Variants in NTM observed in about 807,000 individuals in gnomAD.
NTM encodes IgLON family member 2.
NTM carries 13 observed loss-of-function variants against 42.1 expected under a neutral mutation model. That is an observed-to-expected ratio of 0.31 (90% CI 0.20 to 0.49). The LOEUF (loss-of-function observed/expected upper bound fraction) is 0.49, where lower values mean the gene tolerates loss of function less well. NTM is among the 20% of genes least tolerant of loss of function. NTM has a pLI of 0.99. For missense variants in NTM, 373 were observed against 452.8 expected (o/e 0.82, Z 1.60); for synonymous variants, 187 against 179.2 (o/e 1.04, Z -0.35).
chr11:131,941,670 G>T (rs2059806586), intron 2 of NTM, among the ~76,000 whole-genome samples: 1 of 152,226 alleles, frequency 6.6e-6, no homozygotes, highest in South Asian at 2.1e-4. Flanking sequence ...CCCGTGAGGT[G>T]TCAGGAAGAT....
At chr11:132,015,365 C>T (rs1437386800) in intron 2 of NTM, among the ~76,000 whole-genome samples, 2 of 151,840 alleles carry the variant, frequency 1.3e-5, no homozygotes, top group Non-Finnish European at 2.9e-5. Flanking sequence ...ATTGCCTTGG[C>T]TATTCAATAT....
At chr11:131,863,410 A>G (rs1163276141) in intron 1 of NTM, among the ~76,000 whole-genome samples, 1 of 152,074 alleles carries the variant, frequency 6.6e-6, no homozygotes, top group Non-Finnish European at 1.5e-5. Context: ...TCCTGACTCC[A>G]CTGTGCAGCA....
chr11:131,941,629 C>T (rs554963224), intron 2 of NTM, among the ~76,000 whole-genome samples: 13 of 152,246 alleles, frequency 8.5e-5, no homozygotes, highest in South Asian at 6.2e-4. Context: ...GGTAAATGAA[C>T]GATAGAACTT....
chr11:132,310,075 G>T, intron 5 of NTM, 37 bp from the exon 6 acceptor site: 4 of 1,482,556 alleles, frequency 2.7e-6, no homozygotes, highest in South Asian at 1.4e-5. Context: ...AAAAAAAAAA[G>T]GTGGGGGGGC....
chr11:131,760,272 G>GCAAT (rs2083942683), intron 1 of NTM, among the ~76,000 whole-genome samples: 1 of 152,120 alleles, frequency 6.6e-6, no homozygotes, highest in Non-Finnish European at 1.5e-5. Flanking sequence ...GTTGATCATT[G>GCAAT]GGTCACTTCG....
intron 1 of NTM, among the ~76,000 whole-genome samples, chr11:131,797,849 T>C (rs1286686585): frequency 6.6e-6 from 1 of 152,214 alleles, no homozygotes; most frequent in African/African-American, 2.4e-5. Flanking sequence ...CCTTGTATCA[T>C]ATAATTAAAA....
chr11:131,814,412 T>C lies in NTM; in HGVS notation c.83-97152T>C, dbSNP rs140134826. ...CCAGCTGGTCCTTTGCCGAACCAGA[T>C]TGTGTGTCCACACAAATGGTTCTGA... is the stretch of plus-strand genomic sequence containing the variant. On this transcript the variant is annotated intron_variant, in intron 1 of 8. Transcript: ENST00000683400. 3.1e-3 allele frequency among the ~76,000 whole-genome samples: 467 copies of C among 152,328 alleles called. 4 individuals carry two copies. The highest frequency in any genetic ancestry group is 6.8e-3 in the Middle Eastern group (2 of 294).
At chr11:131,831,966 A>AAT (rs922811854) in intron 1 of NTM, among the ~76,000 whole-genome samples, 33 of 147,838 alleles carry the variant, frequency 2.2e-4, no homozygotes, top group South Asian at 8.4e-4. Context: ...AATTAAATAT[A>AAT]ATATATATAT....
rs59485155 is a variant in NTM at position 132,149,231 on chromosome 11, C to CAAA, written c.400+2730_400+2732dup. ...GAGGATGCACCACCATCCTGGATTA[C>CAAA]AAAAAAAAAAAAAAAGGGAAAGAAA... On this transcript the variant is annotated intron_variant, in intron 3 of 8. Transcript: ENST00000683400. Among the ~76,000 whole-genome samples the CAAA allele has an allele frequency of 3.8e-3, 464 of 122,900 alleles. 6 individuals carry two copies. The highest frequency in any genetic ancestry group is 0.029 in the South Asian group (109 of 3,710). 80.6% of individuals were successfully genotyped at this position (122,900 alleles called of 152,430 possible). A position where few individuals can be genotyped will look rare whatever the true frequency, so the allele number is the denominator to read the frequency against.
chr11:131,864,922 C>T (rs555559404), intron 1 of NTM, among the ~76,000 whole-genome samples: 1 of 152,318 alleles, frequency 6.6e-6, no homozygotes, highest in South Asian at 2.1e-4. Flanking sequence ...AACTGACAGT[C>T]GACTGAGCCA....
intron 5 of NTM, 92 bp downstream of exon 5, chr11:132,307,915 C>A: frequency 7.9e-7 from 1 of 1,268,270 alleles, no homozygotes; most frequent in Non-Finnish European, 1.1e-6. Context: ...CAGCCAGCTA[C>A]TGACTTAGGG....
At chr11:131,710,994 C>A (rs915672001) in intron 1 of NTM, among the ~76,000 whole-genome samples, 2 of 152,162 alleles carry the variant, frequency 1.3e-5, no homozygotes, top group Admixed American at 6.5e-5. Context: ...CTTTTTACCC[C>A]CTTCTTCTCT....
intron 1 of NTM, among the ~76,000 whole-genome samples, chr11:131,626,252 ACTT>A (rs1449127760): frequency 2.6e-5 from 4 of 152,168 alleles, no homozygotes; most frequent in Admixed American, 6.5e-5. Flanking sequence ...GTACTGAGAC[ACTT>A]CTTCAAATAT....
At chr11:131,618,126 C>T (rs2062141065) in intron 1 of NTM, among the ~76,000 whole-genome samples, 1 of 152,122 alleles carries the variant, frequency 6.6e-6, no homozygotes, top group African/African-American at 2.4e-5. Context: ...TAAGGGAGAC[C>T]TTTGGGAGTG....
intron 1 of NTM, among the ~76,000 whole-genome samples, chr11:131,786,639 A>G (rs1200531089): frequency 3.9e-5 from 6 of 152,204 alleles, no homozygotes; most frequent in Admixed American, 2.6e-4. Context: ...TACAGCCATG[A>G]TTGTGTGATT....
chr11:131,832,127 A>G (rs545693007), intron 1 of NTM, among the ~76,000 whole-genome samples: 2 of 151,686 alleles, frequency 1.3e-5, no homozygotes, highest in African/African-American at 2.4e-5. Context: ...GCCCTTCAAA[A>G]CACGCCACAC....
At chr11:132,136,976 C>A (rs1248574085) in intron 2 of NTM, among the ~76,000 whole-genome samples, 1 of 152,188 alleles carries the variant, frequency 6.6e-6, no homozygotes, top group African/African-American at 2.4e-5. Context: ...AAGGTAATTC[C>A]AGCCCCTTTT....
chr11:132,273,323 T>C (rs1156519920), intron 4 of NTM, among the ~76,000 whole-genome samples: 1 of 145,352 alleles, frequency 6.9e-6, no homozygotes, highest in Non-Finnish European at 1.5e-5. Context: ...TTTTTTTTTT[T>C]TTTTTTTTTT....
intron 4 of NTM, among the ~76,000 whole-genome samples, chr11:132,278,546 A>G: frequency 6.6e-6 from 1 of 152,208 alleles, no homozygotes; most frequent in South Asian, 2.1e-4. Context: ...TTGCAGCCCC[A>G]CCCAGACACA....
Sources: gnomAD v4.1 joint callset for allele counts (sites outside exome capture counted in the v4.1 genomes callset) on GRCh38, gnomAD v4.1.1 for gene constraint, MANE v1.5 for transcripts, NCBI Gene and HGNC (gene_info 2026-07-23, HGNC 2026-07-21) for gene names.